Variants in SAFB observed in about 807,000 individuals in gnomAD.
SAFB encodes scaffold attachment factor B.
Under a neutral mutation model 101.6 loss-of-function variants are expected in SAFB, and 15 were observed. The observed-to-expected ratio is 0.15, with a 90% confidence interval of 0.10 to 0.23. SAFB has a LOEUF of 0.23. Among genes scored for constraint, SAFB ranks in the 10% least tolerant of loss-of-function variants. The pLI is 1.00. For missense variants in SAFB, 930 were observed against 1,104.1 expected (o/e 0.84, Z 2.23); for synonymous variants, 449 against 407.5 (o/e 1.10, Z -1.23).
chr19:5,664,602 ATTATTTGGGG>A (rs2054288611), intron 17 of SAFB, 163 bp downstream of exon 17: 1 of 620,096 alleles, frequency 1.6e-6, no homozygotes, highest in East Asian at 2.9e-5. Context: ...GAAATTTGGG[ATTATTTGGGG>A]TTAGTCTTGG....
chr19:5,647,253 T>C (rs181347775), intron 5 of SAFB, among the ~76,000 whole-genome samples: 1 of 152,224 alleles, frequency 6.6e-6, no homozygotes, highest in Admixed American at 6.5e-5. Context: ...CTGAGGGATG[T>C]GGATGACTTG....
chr19:5,625,093 C>G (rs1250771523), intron 1 of SAFB, among the ~76,000 whole-genome samples: 2 of 152,152 alleles, frequency 1.3e-5, no homozygotes, highest in Admixed American at 6.5e-5. Flanking sequence ...TCATTTTCTT[C>G]AAGATGTGGT....
intron 4 of SAFB, among the ~76,000 whole-genome samples, chr19:5,642,861 T>A (rs1168897757): frequency 6.6e-6 from 1 of 151,932 alleles, no homozygotes; most frequent in Admixed American, 6.6e-5. Flanking sequence ...AGAGACGGTT[T>A]TCACCATGTT....
chr19:5,638,488 A>G (rs765949859), intron 2 of SAFB, among the ~76,000 whole-genome samples: 29 of 151,334 alleles, frequency 1.9e-4, no homozygotes, highest in South Asian at 4.2e-4. Context: ...ATGTCCTTCT[A>G]ATTTTTGTAT....
intron 1 of SAFB, among the ~76,000 whole-genome samples, chr19:5,623,700 C>T (rs1265379047): frequency 6.6e-6 from 1 of 152,092 alleles, no homozygotes; most frequent in Non-Finnish European, 1.5e-5. Flanking sequence ...TCCCCTCCTC[C>T]GTACCTGGAG....
intron 2 of SAFB, among the ~76,000 whole-genome samples, chr19:5,639,475 C>T (rs1436445606): frequency 1.3e-5 from 2 of 151,910 alleles, no homozygotes; most frequent in African/African-American, 2.4e-5. Flanking sequence ...GGTGGATCAC[C>T]TGAGGTCAGG....
intron 2 of SAFB, among the ~76,000 whole-genome samples, chr19:5,633,982 A>G (rs2053544645): frequency 6.6e-6 from 1 of 152,114 alleles, no homozygotes; most frequent in African/African-American, 2.4e-5. Flanking sequence ...ACAGTTTGGC[A>G]AACTTGCTAG....
rs1442319282 is a variant in SAFB, at chr19:5,646,126, T to A, written c.609+727T>A. 2.0e-5 allele frequency among the ~76,000 whole-genome samples: 3 copies of A among 152,194 alleles called. No individual in the cohort carries two copies. In the East Asian group the frequency reaches 5.8e-4, roughly 29 times the overall value. On this transcript the variant is annotated intron_variant, in intron 5 of 20. Coordinates refer to ENST00000588852, the MANE Select transcript of SAFB (RefSeq NM_001201338.2). ...GTAGCTGGCTAATTCTTAGGAGAAC[T>A]TTTTGTGGAGAAATGAAGATCGAGC...
chr19:5,647,045 A>C (rs1410406727), intron 5 of SAFB, among the ~76,000 whole-genome samples: 1 of 152,204 alleles, frequency 6.6e-6, no homozygotes. Context: ...AGGTGCTTAC[A>C]TTTGTGCCTG....
intron 7 of SAFB, 123 bp from the exon 8 acceptor site, chr19:5,649,803 G>A (rs2053895940): frequency 1.2e-5 from 11 of 902,096 alleles, no homozygotes; most frequent in Admixed American, 8.7e-5. Flanking sequence ...CAAGTTTGTC[G>A]GGGTATCATT....
chr19:5,664,574 G>C (rs2054288066), intron 17 of SAFB, 135 bp downstream of exon 17: 1 of 706,794 alleles, frequency 1.4e-6, no homozygotes, highest in African/African-American at 1.8e-5. Flanking sequence ...CACTAGAAAA[G>C]TCTAGGTTTG....
chr19:5,644,462 G>T (rs1322392696), intron 4 of SAFB, among the ~76,000 whole-genome samples: 3 of 152,224 alleles, frequency 2.0e-5, no homozygotes, highest in Non-Finnish European at 4.4e-5. Context: ...TGTCTAAGGG[G>T]AGATGGTCTT....
Position 5,653,360 on chromosome 19 carries a change from A to G in SAFB, c.1466A>G (p.Lys489Arg), listed in dbSNP as rs750706275. Residue 489 changes from lysine to arginine, a missense_variant, in exon 11 of 21, where the codon AAG becomes AGG. By Grantham distance (26) the Lys-to-Arg change is conservative (BLOSUM62 2). Around this residue, in one of 7 missense-constraint regions of SAFB, gnomAD observed 92 missense variants for 83.8 expected, o/e 1.10. Transcript: ENST00000588852. ...CAGGCCAAAAATGAACCTGTGGGAA[A>G]GAAAACCTCTGACAAAAGAGACAGT... ...VEKAKNEPVG[K>R]KTSDKRDSDG... 11 of 1,614,104 alleles carry G rather than the reference A, an allele frequency of 6.8e-6. No homozygotes were observed. The Admixed American group carries it at 8.3e-5, about 12-fold the overall frequency.
At position 5,654,113 on chromosome 19, in the gene SAFB, A is replaced by G; in HGVS notation, c.1579A>G (p.Lys527Glu). Reference sequence around the variant, plus strand: ...ATGTGACAGAAAAGATGATGCTAAGAAGGGTGACGACGGAAGTGGAGAAAA... The same window carrying G: ...ATGTGACAGAAAAGATGATGCTAAGGAGGGTGACGACGGAAGTGGAGAAAA... ...DKCDRKDDAK[K>E]GDDGSGEKSK... The change falls in exon 12 of 21, where the codon AAG becomes GAG. Residue 527 changes from lysine to glutamate, a missense_variant. Physicochemically the swap from Lys to Glu is moderately conservative, Grantham distance 56. Coordinates refer to ENST00000588852, the MANE Select transcript of SAFB (RefSeq NM_001201338.2). 2 of 1,614,130 alleles carry G rather than the reference A, an allele frequency of 1.2e-6. No individual in the cohort carries two copies. The highest frequency in any genetic ancestry group is 2.2e-5 in the South Asian group (2 of 91,088).
chr19:5,664,506 G>C, intron 17 of SAFB, 67 bp downstream of exon 17: 2 of 1,219,198 alleles, frequency 1.6e-6, no homozygotes, highest in Non-Finnish European at 1.2e-6. Flanking sequence ...CCTTCAGCGT[G>C]CCTTCTTCCT....
intron 2 of SAFB, among the ~76,000 whole-genome samples, chr19:5,627,598 A>T (rs901754428): frequency 6.6e-6 from 1 of 152,106 alleles, no homozygotes; most frequent in African/African-American, 2.4e-5. Flanking sequence ...ACATGACATG[A>T]CTCTCACCAT....
intron 13 of SAFB, among the ~76,000 whole-genome samples, chr19:5,656,262 A>G (rs536422833): frequency 2.6e-5 from 4 of 151,668 alleles, no homozygotes; most frequent in Admixed American, 2.6e-4. Flanking sequence ...TTATTTTATT[A>G]TTTATTTTTT....
intron 14 of SAFB, among the ~76,000 whole-genome samples, chr19:5,659,598 G>T (rs969426105): frequency 7.2e-5 from 11 of 151,736 alleles, no homozygotes; most frequent in Non-Finnish European, 1.3e-4. Flanking sequence ...AGCCAGGATG[G>T]TCTCGATCTC....
At chr19:5,635,017 A>G (rs950391196) in intron 2 of SAFB, among the ~76,000 whole-genome samples, 4 of 152,128 alleles carry the variant, frequency 2.6e-5, no homozygotes, top group African/African-American at 9.7e-5. Context: ...ACGTGCCGGT[A>G]ATCCCAGCTA....
Sources: allele counts gnomAD v4.1 joint callset (sites outside exome capture counted in the v4.1 genomes callset), GRCh38; gene constraint gnomAD v4.1.1; regional missense constraint gnomAD v4.1.1; transcripts MANE v1.5; gene names NCBI Gene and HGNC (gene_info 2026-07-23, HGNC 2026-07-21).